MORF4L1: variants seen among roughly 807,000 people sequenced by gnomAD.
MORF4L1 encodes mortality factor 4 like 1, also known as mortality factor 4-like protein 1.
Under a neutral mutation model 52.9 loss-of-function variants are expected in MORF4L1, and 4 were observed. That is an observed-to-expected ratio of 0.08 (90% CI 0.04 to 0.17). The LOEUF is 0.17. Ranked by LOEUF, MORF4L1 falls within the 10% of genes least tolerant of loss-of-function variation. The pLI is 1.00. For synonymous variants in MORF4L1, 123 were observed against 134.8 expected, an observed-to-expected ratio of 0.91 and a Z score of 0.61; for missense variants, 214 against 390.4, an observed-to-expected ratio of 0.55 and a Z score of 3.81.
At chr15:78,879,023 C>G (rs1198006271) in intron 2 of MORF4L1, among the ~76,000 whole-genome samples, 5 of 148,172 alleles carry the variant, frequency 3.4e-5, no homozygotes, top group African/African-American at 1.0e-4. Context: ...AAATATTAGC[C>G]ATTTTCACTA....
rs1172823643 is a variant in MORF4L1 at position 78,883,208 on chromosome 15, C to CA, written c.155+2630dup. 8.6e-4 allele frequency among the ~76,000 whole-genome samples: 40 copies of CA among 46,588 alleles called. No homozygotes were observed. In the South Asian group the frequency reaches 8.7e-3, roughly 10 times the overall value. The allele number at this position is 46,588 out of a possible 152,430, so 30.6% of individuals were successfully genotyped here. A position where few individuals can be genotyped will look rare whatever the true frequency, so the allele number is the denominator to read the frequency against. On this transcript the variant is annotated intron_variant, in intron 3 of 11. Transcript: ENST00000426013. ...CTAGCCTAGGCGACAGAGTGAGACTCAGGAAAAAAAAAAAAAAAGCGATTG... is the reference window on the plus strand; with the variant it reads ...CTAGCCTAGGCGACAGAGTGAGACTCAAGGAAAAAAAAAAAAAAAGCGATTG...
At chr15:78,893,946 G>A in intron 9 of MORF4L1, 112 bp from the exon 10 acceptor site, 1 of 1,067,928 alleles carries the variant, frequency 9.4e-7, no homozygotes, top group Non-Finnish European at 1.4e-6. Context: ...AAAAATCTCA[G>A]CTATGGTTCA....
At chr15:78,874,217 C>T (rs981207903) in intron 1 of MORF4L1, among the ~76,000 whole-genome samples, 3 of 152,208 alleles carry the variant, frequency 2.0e-5, no homozygotes, top group Non-Finnish European at 2.9e-5. Context: ...ATGCTAGTTA[C>T]CGTAAATACG....
At position 78,885,067 on chromosome 15, in the gene MORF4L1, C is replaced by A; in HGVS notation, c.156-1074C>A. 6.2e-6 allele frequency: 10 copies of A among 1,611,094 alleles called. No homozygotes were observed. The highest frequency in any genetic ancestry group is 8.5e-6 in the Non-Finnish European group (10 of 1,177,680). ...TGAAGGAGCTCCCTCAGTACACCAC[C>A]CCCTCCTGACCTCTAGGTAAATGCA... On this transcript the variant is annotated intron_variant, in intron 3 of 11. Transcript: ENST00000426013.
chr15:78,878,137 G>A, intron 1 of MORF4L1, 76 bp from the exon 2 acceptor site: 2 of 1,446,276 alleles, frequency 1.4e-6, no homozygotes, highest in Non-Finnish European at 1.9e-6. Flanking sequence ...TAATAAAAGT[G>A]TGATGACTCT....
rs529162600 is a variant in MORF4L1, at chr15:78,875,750, C to T, written c.41-2463C>T. Among the ~76,000 whole-genome samples, 6 of 150,420 alleles carry T rather than the reference C, an allele frequency of 4.0e-5. No homozygotes were observed. The South Asian group carries it at 1.3e-3, about 32-fold the overall frequency. The stretch of plus-strand genomic sequence containing the variant: ...GCAGTAGGCCGAGATCCTGCCATCG[C>T]ACTCCAGCCTGGGCCACAGAGTGAG... On this transcript the variant is annotated intron_variant, in intron 1 of 11. Transcript: ENST00000426013.
At chr15:78,894,792 C>T in intron 10 of MORF4L1, 28 bp from the exon 11 acceptor site, 1 of 1,558,314 alleles carries the variant, frequency 6.4e-7, no homozygotes, top group Non-Finnish European at 8.9e-7. Flanking sequence ...TTGGATGTAA[C>T]TTTGGATAAA....
chr15:78,881,490 G>A (rs905147803), intron 3 of MORF4L1, among the ~76,000 whole-genome samples: 1 of 43,100 alleles, frequency 2.3e-5, no homozygotes, highest in East Asian at 6.6e-4. Context: ...GCCACTGCCC[G>A]GCCTTTTTGT....
At position 78,898,000 on chromosome 15, in the gene MORF4L1, G is replaced by T. The variant is rs1483910770; in HGVS notation, c.*933G>T. 1.3e-5 allele frequency: 2 copies of T among 151,968 alleles called. No individual in the cohort carries two copies. Among genetic ancestry groups the T allele is most frequent in the African/African-American group, 2.4e-5 (1 of 41,352 alleles). The allele number at this position is 151,968 out of a possible 1,614,324, so 9.4% of individuals were successfully genotyped here. The stretch of plus-strand genomic sequence containing the variant: ...TACTTACTCTGAGCATTAATTAAGG[G>T]CATTTTCACCTGTGTAAAATTATGG... On this transcript the variant is annotated 3_prime_UTR_variant, in exon 12 of 12. Coordinates refer to ENST00000426013, the MANE Select transcript of MORF4L1 (RefSeq NM_006791.4).
rs1178486739 is a variant in MORF4L1 at position 78,887,339 on chromosome 15, A to C, written c.313A>C (p.Asn105His). 1 of 1,611,454 alleles carries C rather than the reference A, an allele frequency of 6.2e-7. No individual in the cohort carries two copies. Among genetic ancestry groups the C allele is most frequent in the African/African-American group, 1.3e-5 (1 of 74,658 alleles). ...GAAGACATCTGGTCTGCAACAGAAA[A>C]ATGTTGAAGTGTAAGAAGCTCTTTG... The part of the protein sequence containing the change: ...GKKTSGLQQK[N>H]VEVKTKKNKQ... The change falls in exon 5 of 12, where the codon AAT becomes CAT. Residue 105 changes from asparagine (N) to histidine (H), a missense_variant. Coordinates refer to ENST00000426013, the MANE Select transcript of MORF4L1 (RefSeq NM_006791.4).
Position 78,891,566 on chromosome 15 carries a change from T to C in MORF4L1, c.432T>C (p.Val144=). The change falls in exon 7 of 12, where the codon GTT becomes GTC. Residue 144 remains valine, a synonymous_variant. Coordinates refer to ENST00000426013, the MANE Select transcript of MORF4L1 (RefSeq NM_006791.4). ...RKKRARVDPT[V]ENEETFMNRV... ...AAAGGGCCCGGGTAGATCCTACTGT[T>C]GAAAATGTGAGTTTTTCTTGTGTTT... 2 of 1,611,712 alleles carry C rather than the reference T, an allele frequency of 1.2e-6. No individual in the cohort carries two copies. Among genetic ancestry groups the C allele is most frequent in the Admixed American group, 1.7e-5 (1 of 59,886 alleles).
intron 1 of MORF4L1, among the ~76,000 whole-genome samples, chr15:78,875,197 C>T (rs773015321): frequency 5.3e-5 from 8 of 152,128 alleles, no homozygotes; most frequent in Non-Finnish European, 1.2e-4. Context: ...GTTTATCAGA[C>T]TGTCAAGGCA....
intron 3 of MORF4L1, among the ~76,000 whole-genome samples, chr15:78,882,889 C>A (rs566933190): frequency 1.4e-4 from 21 of 152,004 alleles, no homozygotes; most frequent in African/African-American, 4.8e-4. Flanking sequence ...AGGTAGACAC[C>A]CCTCTTATAA....
At chr15:78,875,312 T>G (rs2056464128) in intron 1 of MORF4L1, among the ~76,000 whole-genome samples, 1 of 152,248 alleles carries the variant, frequency 6.6e-6, no homozygotes, top group African/African-American at 2.4e-5. Context: ...GCAGCAGAGA[T>G]TTCCTTGTGC....
At chr15:78,888,636 G>A (rs1228692723) in intron 5 of MORF4L1, among the ~76,000 whole-genome samples, 1 of 152,164 alleles carries the variant, frequency 6.6e-6, no homozygotes, top group Non-Finnish European at 1.5e-5. Context: ...AGTGCTTTGG[G>A]AGGCTGAGGT....
rs530669865 is a variant in MORF4L1, at chr15:78,872,997, G to T, written c.-21G>T. 2 of 1,550,178 alleles carry T rather than the reference G, an allele frequency of 1.3e-6. No individual in the cohort carries two copies. The highest frequency in any genetic ancestry group is 1.4e-5 in the African/African-American group (1 of 73,246). On this transcript the variant is annotated 5_prime_UTR_variant, in exon 1 of 12. Coordinates refer to ENST00000426013, the MANE Select transcript of MORF4L1 (RefSeq NM_006791.4). ...TAGTCGGGGGTGGTGGGAGAAGGAG[G>T]AGGCGGCGAATCACTTATAAATGGC...
chr15:78,878,323 A>G (rs1032779603), intron 2 of MORF4L1, 64 bp downstream of exon 2: 3 of 1,458,770 alleles, frequency 2.1e-6, no homozygotes, highest in African/African-American at 2.8e-5. Context: ...GCCATTTAAT[A>G]TACAAGTACA....
rs78568814 is a variant in MORF4L1, at chr15:78,885,173, A to G, written c.156-968A>G. On this transcript the variant is annotated intron_variant, in intron 3 of 11. Coordinates refer to ENST00000426013, the MANE Select transcript of MORF4L1 (RefSeq NM_006791.4). Reference sequence around the variant, plus strand: ...TCTTGGCTGTATTATATAAGAGGTCAGAGGTGGGAAATCATTAAACAAAAG... The same window carrying G: ...TCTTGGCTGTATTATATAAGAGGTCGGAGGTGGGAAATCATTAAACAAAAG... The G allele has an allele frequency of 6.7e-3, 6,754 of 1,008,614 alleles. 350 individuals are homozygous for G. The African/African-American group carries it at 0.099, about 15-fold the overall frequency. 62.5% of individuals were successfully genotyped at this position (1,008,614 alleles called of 1,614,324 possible).
At chr15:78,886,684 A>G (rs193273856) in intron 4 of MORF4L1, among the ~76,000 whole-genome samples, 1 of 152,340 alleles carries the variant, frequency 6.6e-6, no homozygotes, top group Admixed American at 6.5e-5. Flanking sequence ...GGCTGGGCGC[A>G]GTGGCTCACG....
Sources: gnomAD v4.1 joint callset for allele counts (sites outside exome capture counted in the v4.1 genomes callset) on GRCh38, gnomAD v4.1.1 for gene constraint, MANE v1.5 for transcripts, NCBI Gene and HGNC (gene_info 2026-07-23, HGNC 2026-07-21) for gene names.